Variants in PXDNL observed in about 807,000 individuals in gnomAD.
The protein encoded by PXDNL is peroxidasin like.
Under a neutral mutation model 150.8 loss-of-function variants are expected in PXDNL, and 145 were observed. That is an observed-to-expected ratio of 0.96 (90% CI 0.84 to 1.10). The LOEUF is 1.10. Among genes scored for constraint, PXDNL ranks in the 50% least tolerant of loss-of-function variants. PXDNL has a pLI of 0.00. For missense variants in PXDNL, 2,087 were observed against 1,873.9 expected (o/e 1.11, Z -2.10); for synonymous variants, 757 against 725.7 (o/e 1.04, Z -0.69).
chr8:51,517,169 G>C (rs1293180479), intron 4 of PXDNL, among the ~76,000 whole-genome samples: 3 of 151,890 alleles, frequency 2.0e-5, no homozygotes, highest in Non-Finnish European at 4.4e-5. Flanking sequence ...AGATTTTTTA[G>C]ATTTTGTATC....
At chr8:51,674,924 C>A (rs1815578345) in intron 1 of PXDNL, among the ~76,000 whole-genome samples, 1 of 152,188 alleles carries the variant, frequency 6.6e-6, no homozygotes, top group African/African-American at 2.4e-5. Flanking sequence ...GGACAAATTA[C>A]ATTATTTCCC....
intron 1 of PXDNL, among the ~76,000 whole-genome samples, chr8:51,801,869 G>A (rs1394867599): frequency 6.6e-6 from 1 of 152,160 alleles, no homozygotes; most frequent in African/African-American, 2.4e-5. Context: ...GTAAGCTGTT[G>A]GGAAATCTAC....
intron 2 of PXDNL, among the ~76,000 whole-genome samples, chr8:51,608,059 AAGCAAGCAAGCAAGCAAGCAAGCAAGC>A (rs1813896246): frequency 1.9e-5 from 2 of 107,760 alleles, no homozygotes; most frequent in South Asian, 3.0e-4. Flanking sequence ...GAAAGAAAGC[AAGCAAGCAAGCAAGCAAGCAAGCAAGC>A]AAGCAAGCAA....
chr8:51,390,557 G>T (rs190853286), intron 17 of PXDNL, among the ~76,000 whole-genome samples: 1 of 151,868 alleles, frequency 6.6e-6, no homozygotes, highest in African/African-American at 2.4e-5. Flanking sequence ...TATTTTCTGG[G>T]TATTCTATAA....
intron 6 of PXDNL, among the ~76,000 whole-genome samples, chr8:51,476,217 A>T (rs1170101412): frequency 6.6e-6 from 1 of 152,220 alleles, no homozygotes; most frequent in Non-Finnish European, 1.5e-5. Context: ...TTTTTGGATT[A>T]CTCAAAAGAG....
intron 6 of PXDNL, among the ~76,000 whole-genome samples, chr8:51,480,700 G>T (rs1337019773): frequency 6.6e-6 from 1 of 152,204 alleles, no homozygotes; most frequent in African/African-American, 2.4e-5. Context: ...AATCATGGGG[G>T]TGGTTTCCCC....
rs556739016 is a variant in PXDNL, at chr8:51,642,625, C to T, written c.236+12064G>A. Among the ~76,000 whole-genome samples, 297 of 152,140 alleles carry T rather than the reference C, an allele frequency of 2.0e-3. 2 individuals carry two copies. The highest frequency in any genetic ancestry group is 5.5e-3 in the African/African-American group (227 of 41,444). On this transcript the variant is annotated intron_variant, in intron 2 of 22. Transcript: ENST00000356297. ...AAACTGGAAGCATTCCCTTTGAAAA[C>T]TGGCACAAGACAGGGATGCCCTCAC...
intron 14 of PXDNL, among the ~76,000 whole-genome samples, chr8:51,414,284 G>A (rs1049406130): frequency 6.6e-6 from 1 of 150,940 alleles, no homozygotes; most frequent in South Asian, 2.1e-4. Context: ...CAATAGATGG[G>A]CCCATATAGC....
intron 4 of PXDNL, among the ~76,000 whole-genome samples, chr8:51,519,025 T>C (rs1055142982): frequency 6.6e-6 from 1 of 152,156 alleles, no homozygotes; most frequent in African/African-American, 2.4e-5. Flanking sequence ...GTGGAAACTT[T>C]GGGATAGGAA....
At position 51,612,706 on chromosome 8, in the gene PXDNL, T is replaced by C. The variant is rs146880858; in HGVS notation, c.237-20008A>G. Among the ~76,000 whole-genome samples the C allele has an allele frequency of 1.3e-3, 198 of 152,312 alleles. 2 individuals are homozygous for C. The highest frequency in any genetic ancestry group is 8.1e-3 in the East Asian group (42 of 5,178). On this transcript the variant is annotated intron_variant, in intron 2 of 22. Coordinates refer to ENST00000356297, the MANE Select transcript of PXDNL (RefSeq NM_144651.5). ...CACCATGGGAGGACACAGGGAGAAGTTGGCAGCCTGCTTCCTGGAAGAGCC... is the reference window on the plus strand; with the variant it reads ...CACCATGGGAGGACACAGGGAGAAGCTGGCAGCCTGCTTCCTGGAAGAGCC...
At chr8:51,544,236 C>T (rs1156402183) in intron 4 of PXDNL, among the ~76,000 whole-genome samples, 1 of 152,054 alleles carries the variant, frequency 6.6e-6, no homozygotes, top group Admixed American at 6.6e-5. Context: ...TGAACAAAAT[C>T]TGGGGTGGAG....
intron 1 of PXDNL, chr8:51,721,852 C>T: frequency 3.6e-6 from 1 of 276,092 alleles, no homozygotes; most frequent in South Asian, 4.6e-5. Context: ...CAATGGTAAA[C>T]CAGCTGGTAG....
chr8:51,767,393 TTGAG>T (rs1204202257), intron 1 of PXDNL, among the ~76,000 whole-genome samples: 2 of 152,178 alleles, frequency 1.3e-5, no homozygotes, highest in African/African-American at 2.4e-5. Context: ...AGTGATTTTC[TTGAG>T]TGAGTTTTGT....
chr8:51,540,522 T>G (rs901166017), intron 4 of PXDNL, among the ~76,000 whole-genome samples: 1 of 152,218 alleles, frequency 6.6e-6, no homozygotes, highest in Admixed American at 6.5e-5. Context: ...TTTGAGAATT[T>G]TTATGACATC....
At chr8:51,380,482 A>G (rs570679033) in intron 17 of PXDNL, among the ~76,000 whole-genome samples, 2 of 152,332 alleles carry the variant, frequency 1.3e-5, no homozygotes, top group South Asian at 2.1e-4. Flanking sequence ...TTTAATAACT[A>G]TCTGTAAGTC....
intron 1 of PXDNL, among the ~76,000 whole-genome samples, chr8:51,786,313 A>C (rs2037460209): frequency 6.6e-6 from 1 of 151,870 alleles, no homozygotes; most frequent in Admixed American, 6.6e-5. Flanking sequence ...AGCTCCAGCG[A>C]TTCTCCTGCC....
chr8:51,741,284 T>C (rs1439231348), intron 1 of PXDNL, among the ~76,000 whole-genome samples: 3 of 152,202 alleles, frequency 2.0e-5, no homozygotes, highest in Admixed American at 6.5e-5. Context: ...GTTTATACTA[T>C]ACAATTAGTG....
intron 4 of PXDNL, among the ~76,000 whole-genome samples, chr8:51,549,834 G>C (rs1200829474): frequency 6.6e-6 from 1 of 151,994 alleles, no homozygotes; most frequent in Non-Finnish European, 1.5e-5. Context: ...ACAATGATCA[G>C]AGCAGAACTA....
chr8:51,577,118 CAGAG>C (rs1345100222), intron 3 of PXDNL, among the ~76,000 whole-genome samples: 7 of 151,736 alleles, frequency 4.6e-5, no homozygotes, highest in Admixed American at 2.6e-4. Context: ...AGAAAAATAA[CAGAG>C]AAAGAATACT....
Sources: gnomAD v4.1 joint callset for allele counts (sites outside exome capture counted in the v4.1 genomes callset) on GRCh38, gnomAD v4.1.1 for gene constraint, MANE v1.5 for transcripts, NCBI Gene and HGNC (gene_info 2026-07-23, HGNC 2026-07-21) for gene names.